Variants in ADAMTSL3 observed in about 807,000 individuals in gnomAD.
ADAMTSL3 encodes the protein ADAMTS-like protein 3.
Under a neutral mutation model 201.7 loss-of-function variants are expected in ADAMTSL3, and 128 were observed. That is an observed-to-expected ratio of 0.63 (90% CI 0.55 to 0.73). The LOEUF (loss-of-function observed/expected upper bound fraction) is 0.73, where lower values mean the gene tolerates loss of function less well. Among genes scored for constraint, ADAMTSL3 ranks in the 30% least tolerant of loss-of-function variants. The pLI is 0.00. For missense variants in ADAMTSL3, 1,990 were observed against 2,119.6 expected (o/e 0.94, Z 1.20); for synonymous variants, 738 against 748.4 (o/e 0.99, Z 0.23).
intron 2 of ADAMTSL3, among the ~76,000 whole-genome samples, chr15:83,678,706 CAA>C (rs1291313162): frequency 6.9e-6 from 1 of 144,188 alleles, no homozygotes; most frequent in Non-Finnish European, 1.5e-5. Flanking sequence ...ATTATTTCTT[CAA>C]GTGTTATTTT....
At chr15:83,909,893 G>T (rs544722392) in intron 15 of ADAMTSL3, among the ~76,000 whole-genome samples, 27 of 152,222 alleles carry the variant, frequency 1.8e-4, no homozygotes, top group Non-Finnish European at 3.1e-4. Flanking sequence ...TGGGATTATA[G>T]GCATGAGCCA....
intron 6 of ADAMTSL3, among the ~76,000 whole-genome samples, chr15:83,833,084 A>G (rs1160915687): frequency 6.6e-6 from 1 of 152,348 alleles, no homozygotes; most frequent in South Asian, 2.1e-4. Flanking sequence ...CTGTTAGCTC[A>G]TCATAATCCT....
At chr15:83,827,091 C>A (rs2064040432) in intron 6 of ADAMTSL3, among the ~76,000 whole-genome samples, 1 of 152,212 alleles carries the variant, frequency 6.6e-6, no homozygotes. Flanking sequence ...GCCACACTGA[C>A]TTCCACAATG....
At chr15:83,690,986 T>G (rs896722475) in intron 2 of ADAMTSL3, among the ~76,000 whole-genome samples, 2 of 152,104 alleles carry the variant, frequency 1.3e-5, no homozygotes, top group African/African-American at 4.8e-5. Context: ...TAAGCTAGGG[T>G]TCAATGTTGA....
intron 6 of ADAMTSL3, among the ~76,000 whole-genome samples, chr15:83,831,956 A>G (rs2064165508): frequency 6.6e-6 from 1 of 152,162 alleles, no homozygotes; most frequent in African/African-American, 2.4e-5. Flanking sequence ...GTAGAAATAT[A>G]CAATGAATGC....
intron 8 of ADAMTSL3, among the ~76,000 whole-genome samples, chr15:83,864,351 G>A (rs2064930354): frequency 6.6e-6 from 1 of 152,128 alleles, no homozygotes; most frequent in South Asian, 2.1e-4. Flanking sequence ...GAACATCAAT[G>A]CAAAAATCCT....
At chr15:83,906,618 CACACCACACACACA>C (rs2065839080) in intron 15 of ADAMTSL3, among the ~76,000 whole-genome samples, 3 of 25,628 alleles carry the variant, frequency 1.2e-4, no homozygotes, top group East Asian at 3.0e-3. Context: ...TATAGTGCCA[CACACCACACACACA>C]CACACACACA....
intron 5 of ADAMTSL3, among the ~76,000 whole-genome samples, chr15:83,810,044 T>A (rs898269351): frequency 6.6e-6 from 1 of 152,192 alleles, no homozygotes; most frequent in African/African-American, 2.4e-5. Flanking sequence ...TCCATTTCTA[T>A]CAACGATGAA....
At chr15:83,738,988 T>C (rs2062411571) in intron 3 of ADAMTSL3, among the ~76,000 whole-genome samples, 1 of 151,240 alleles carries the variant, frequency 6.6e-6, no homozygotes, top group Admixed American at 6.6e-5. Context: ...AATATGATCA[T>C]TTCAACAAAA....
intron 4 of ADAMTSL3, among the ~76,000 whole-genome samples, chr15:83,778,799 C>T (rs543453293): frequency 2.2e-4 from 34 of 152,160 alleles, no homozygotes; most frequent in Admixed American, 1.1e-3. Context: ...GGCTAAATGC[C>T]CCAATTAAAA....
At chr15:83,719,002 T>C (rs2062058712) in intron 3 of ADAMTSL3, among the ~76,000 whole-genome samples, 1 of 152,166 alleles carries the variant, frequency 6.6e-6, no homozygotes, top group South Asian at 2.1e-4. Context: ...AATGAGAATG[T>C]CATCATTTTG....
intron 3 of ADAMTSL3, among the ~76,000 whole-genome samples, chr15:83,708,893 C>G (rs775547847): frequency 6.6e-6 from 1 of 152,154 alleles, no homozygotes; most frequent in Admixed American, 6.5e-5. Context: ...AAAACAGAGA[C>G]GCCAAATGTG....
chr15:83,999,538 T>C (rs2067751534), intron 23 of ADAMTSL3, among the ~76,000 whole-genome samples: 2 of 152,174 alleles, frequency 1.3e-5, no homozygotes, highest in African/African-American at 4.8e-5. Flanking sequence ...CCCCCTGTCA[T>C]TGTTGCTGCT....
At chr15:83,739,923 A>G in intron 3 of ADAMTSL3, 1 of 573,254 alleles carries the variant, frequency 1.7e-6, no homozygotes, top group Non-Finnish European at 3.5e-6. Flanking sequence ...GAGAAGACGC[A>G]TCCTTCAACA....
chr15:83,845,040 C>G (rs772731145), intron 7 of ADAMTSL3, among the ~76,000 whole-genome samples: 1 of 152,230 alleles, frequency 6.6e-6, no homozygotes, highest in African/African-American at 2.4e-5. Context: ...CCCATTCCCC[C>G]GATGGGCCTT....
rs993437131 is a variant in ADAMTSL3, at chr15:84,027,450, C to T, written c.4656+2014C>T. ...ATACAAATAAGAAACGGAGGCCGGG[C>T]GCGGTGACTCACACCTGTAATCCCA... is the stretch of plus-strand genomic sequence containing the variant. On this transcript the variant is annotated intron_variant, in intron 27 of 29. Coordinates refer to ENST00000286744, the MANE Select transcript of ADAMTSL3 (RefSeq NM_207517.3). Among the ~76,000 whole-genome samples, 6 of 152,152 alleles carry T rather than the reference C, an allele frequency of 3.9e-5. No homozygotes were observed. The South Asian group carries it at 6.2e-4, about 16-fold the overall frequency.
At chr15:83,687,025 T>TACAAACAA (rs58242834) in intron 2 of ADAMTSL3, among the ~76,000 whole-genome samples, 2,020 of 149,784 alleles carry the variant, frequency 0.013, 20 homozygotes, top group East Asian at 0.041. Flanking sequence ...ACCCTGTCTC[T>TACAAACAA]ACAAACAAAC....
At chr15:83,766,410 A>G (rs926842938) in intron 3 of ADAMTSL3, among the ~76,000 whole-genome samples, 5 of 152,246 alleles carry the variant, frequency 3.3e-5, no homozygotes, top group Non-Finnish European at 5.9e-5. Flanking sequence ...CGAATTCCTC[A>G]TGAAAGAAGC....
chr15:83,667,271 A>G (rs1439833010), intron 2 of ADAMTSL3, among the ~76,000 whole-genome samples: 1 of 151,888 alleles, frequency 6.6e-6, no homozygotes, highest in East Asian at 1.9e-4. Flanking sequence ...TACCTTTGTA[A>G]TGTGTTGGTA....
Sources: allele counts gnomAD v4.1 joint callset (sites outside exome capture counted in the v4.1 genomes callset), GRCh38; gene constraint gnomAD v4.1.1; transcripts MANE v1.5; gene names NCBI Gene and HGNC (gene_info 2026-07-23, HGNC 2026-07-21).